The following XRN2 variants were observed in gnomAD, a reference collection of about 807,000 sequenced individuals.
XRN2 encodes the protein DHM1-like protein.
In XRN2, 44 loss-of-function variants were observed where a neutral mutation model predicts 138.5. The observed-to-expected ratio is 0.32, with a 90% CI of 0.25 to 0.41. XRN2 has a LOEUF of 0.41. Among genes scored for constraint, XRN2 ranks in the 10% least tolerant of loss-of-function variants. The probability of loss-of-function intolerance (pLI) is 1.00; values close to 1 mark genes in which losing one functional copy is unlikely to be tolerated. For synonymous variants in XRN2, 354 were observed against 369.4 expected (o/e 0.96, Z 0.48); for missense variants, 937 against 1,169.3 (o/e 0.80, Z 2.90).
chr20:21,331,857 AC>A (rs1568575296), intron 8 of XRN2, 39 bp downstream of exon 8: 2 of 1,604,154 alleles, frequency 1.2e-6, no homozygotes. Context: ...TTTGGATTAA[AC>A]CATAGCAAGT....
At chr20:21,366,163 T>TTATA (rs35851861) in intron 26 of XRN2, among the ~76,000 whole-genome samples, 91,438 of 107,448 alleles carry the variant, frequency 0.85, 39,314 homozygotes, top group East Asian at 0.96. Context: ...TATTTATAGT[T>TTATA]TATATAATAT....
intron 1 of XRN2, among the ~76,000 whole-genome samples, chr20:21,321,538 T>C (rs1259622078): frequency 1.3e-5 from 2 of 152,064 alleles, no homozygotes; most frequent in Non-Finnish European, 2.9e-5. Flanking sequence ...CAGGCTGGCC[T>C]TGAACTCCTG....
At chr20:21,352,870 A>T (rs371063650) in intron 20 of XRN2, among the ~76,000 whole-genome samples, 1 of 152,096 alleles carries the variant, frequency 6.6e-6, no homozygotes, top group Non-Finnish European at 1.5e-5. Flanking sequence ...CCCTCTGGGT[A>T]TTGAAAGAAT....
At chr20:21,318,491 G>A (rs1269417419) in intron 1 of XRN2, among the ~76,000 whole-genome samples, 2 of 151,682 alleles carry the variant, frequency 1.3e-5, no homozygotes, top group Admixed American at 1.3e-4. Context: ...GTATCTTAAG[G>A]TGGAAAGTTA....
intron 27 of XRN2, among the ~76,000 whole-genome samples, chr20:21,381,358 C>T (rs961378012): frequency 2.0e-5 from 3 of 152,052 alleles, no homozygotes; most frequent in Non-Finnish European, 4.4e-5. Flanking sequence ...ATCCTATATC[C>T]GTCAGTTTAT....
Position 21,330,775 on chromosome 20 carries a change from A to T in XRN2, c.576+70A>T, listed in dbSNP as rs565123287. 1.6e-5 allele frequency: 22 copies of T among 1,391,810 alleles called. No individual in the cohort carries two copies. In the Admixed American group the frequency reaches 2.7e-4, roughly 17 times the overall value. 86.2% of individuals were successfully genotyped at this position (1,391,810 alleles called of 1,614,324 possible). ...TCGAGGCTGTACTTTGATATGACTG[A>T]CATTATTTATCCTTCTGCCCTGCCC... On this transcript the variant is annotated intron_variant, in intron 6 of 29. Transcript: ENST00000377191.
rs1048384280 is a variant in XRN2 at position 21,366,960 on chromosome 20, C to T, written c.2456+1256C>T. ...AAGGGAATAAAACCTCCTCTTTACC[C>T]GCAAGAAAGTTTTAGCTGAATTAAT... On this transcript the variant is annotated intron_variant, in intron 26 of 29. Transcript: ENST00000377191. Among the ~76,000 whole-genome samples the T allele has an allele frequency of 7.2e-4, 109 of 152,090 alleles. 1 individual carries two copies. The highest frequency in any genetic ancestry group is 3.3e-3 in the Admixed American group (51 of 15,280).
chr20:21,334,959 G>A (rs1448267934), intron 13 of XRN2, among the ~76,000 whole-genome samples: 1 of 152,184 alleles, frequency 6.6e-6, no homozygotes, highest in African/African-American at 2.4e-5. Context: ...TTAACTAATG[G>A]AAGATACTTG....
chr20:21,385,223 T>G (rs1163304568), intron 28 of XRN2, among the ~76,000 whole-genome samples: 3 of 152,346 alleles, frequency 2.0e-5, no homozygotes, highest in Middle Eastern at 3.4e-3. Context: ...ATTGTAAGAC[T>G]CAAAAGAAAA....
intron 23 of XRN2, 106 bp from the exon 24 acceptor site, chr20:21,357,630 A>T (rs2038591578): frequency 2.3e-6 from 2 of 863,436 alleles, no homozygotes; most frequent in East Asian, 5.6e-5. Flanking sequence ...GTGCATTCTA[A>T]TGATTTATCT....
At chr20:21,326,456 T>C (rs765385322) in intron 2 of XRN2, 34 bp from the exon 3 acceptor site, 25 of 1,613,616 alleles carry the variant, frequency 1.5e-5, no homozygotes, top group Non-Finnish European at 2.1e-5. Context: ...GAGGAAACAT[T>C]ATATTATATT....
At position 21,340,724 on chromosome 20, in the gene XRN2, G is replaced by C; in HGVS notation, c.1282G>C (p.Asp428His). The C allele has an allele frequency of 1.9e-6, 3 of 1,613,588 alleles. No homozygotes were observed. The highest frequency in any genetic ancestry group is 2.5e-6 in the Non-Finnish European group (3 of 1,179,716). The change falls in exon 15 of 30, where the codon GAT (aspartate) becomes CAT (histidine). Residue 428 changes from aspartate (D) to histidine (H), a missense_variant. Asp to His is a moderately conservative substitution (Grantham distance 81). Coordinates refer to ENST00000377191, the MANE Select transcript of XRN2 (RefSeq NM_012255.5). ...ACATTCATTCCATTTATGTTAGAGA[G>C]ATCAACCAGCTTTCACTCCTAGTGG... Reference protein sequence around the residue: ...QKEKRKRMKRDQPAFTPSGIL... With the variant: ...QKEKRKRMKRHQPAFTPSGIL...
In XRN2 at chr20:21,328,922, A is replaced by G. The variant is rs1040543663; in HGVS notation, c.427+252A>G. Among the ~76,000 whole-genome samples, 9 of 151,874 alleles carry G rather than the reference A, an allele frequency of 5.9e-5. No homozygotes were observed. In the South Asian group the frequency reaches 1.0e-3, roughly 18 times the overall value. On this transcript the variant is annotated intron_variant, in intron 4 of 29. Coordinates refer to ENST00000377191, the MANE Select transcript of XRN2 (RefSeq NM_012255.5). The stretch of plus-strand genomic sequence containing the variant: ...TTCTGGTGGAGATTGCAGATTGTCA[A>G]CTCCTCTCAGGGCCAGTGCAGCTCT...
Position 21,333,538 on chromosome 20 carries a change from T to G in XRN2, c.859-6T>G, listed in dbSNP as rs62217928. 0.045 allele frequency: 72,085 copies of G among 1,611,926 alleles called. 1,795 individuals carry two copies. Among genetic ancestry groups the G allele is most frequent in the Non-Finnish European group, 0.052 (60,805 of 1,178,040 alleles). The stretch of plus-strand genomic sequence containing the variant: ...ACTTGTTTCATCTTCATTCCTGTTC[T>G]TGCAGCATGATGAACTTGCCGATAG... On this transcript the variant is annotated splice_polypyrimidine_tract_variant and splice_region_variant and intron_variant, in intron 9 of 29. Transcript: ENST00000377191.
intron 1 of XRN2, among the ~76,000 whole-genome samples, chr20:21,318,276 C>T (rs577573609): frequency 1.3e-5 from 2 of 152,246 alleles, no homozygotes; most frequent in Admixed American, 6.5e-5. Flanking sequence ...TCCTGTCTCT[C>T]GTCTCTGATT....
In XRN2 at chr20:21,354,802, G is replaced by A. The variant is rs1239636867; in HGVS notation, c.1950G>A (p.Leu650=). The part of the protein sequence containing the change: ...KKYAWQGVAL[L]PFVDERRLRA... Reference sequence around the variant, plus strand: ...TTGTTTTTTCAGGTGTTGCTCTCTTGCCATTCGTGGATGAGCGAAGGCTAC... The same window carrying A: ...TTGTTTTTTCAGGTGTTGCTCTCTTACCATTCGTGGATGAGCGAAGGCTAC... The change falls in exon 21 of 30, where the codon TTG becomes TTA. Residue 650 remains leucine, a synonymous_variant. Transcript: ENST00000377191. 7 of 1,613,936 alleles carry A rather than the reference G, an allele frequency of 4.3e-6. No homozygotes were observed. In the South Asian group the frequency reaches 7.7e-5, roughly 18 times the overall value.
At chr20:21,328,271 A>C (rs906355221) in intron 3 of XRN2, among the ~76,000 whole-genome samples, 1 of 152,042 alleles carries the variant, frequency 6.6e-6, no homozygotes, top group African/African-American at 2.4e-5. Context: ...AACCGAGGGG[A>C]ACTGGTGTTA....
chr20:21,361,173 T>C (rs1254356466), intron 24 of XRN2, among the ~76,000 whole-genome samples: 1 of 152,248 alleles, frequency 6.6e-6, no homozygotes, highest in Non-Finnish European at 1.5e-5. Flanking sequence ...TACAGTATTT[T>C]CTTCTTACCA....
At chr20:21,308,399 G>T (rs1262605045) in intron 1 of XRN2, among the ~76,000 whole-genome samples, 1 of 152,112 alleles carries the variant, frequency 6.6e-6, no homozygotes, top group South Asian at 2.1e-4. Context: ...TGTATATTAG[G>T]TGTGTGATTA....
Sources: gnomAD v4.1 joint callset for allele counts (sites outside exome capture counted in the v4.1 genomes callset) on GRCh38, gnomAD v4.1.1 for gene constraint, MANE v1.5 for transcripts, NCBI Gene and HGNC (gene_info 2026-07-23, HGNC 2026-07-21) for gene names.